ERCC4: variants seen among roughly 807,000 people sequenced by gnomAD.
ERCC4 encodes ERCC excision repair 4, endonuclease catalytic subunit.
In ERCC4, 65 loss-of-function variants were observed where a neutral mutation model predicts 76.9. The observed-to-expected ratio is 0.84, with a 90% confidence interval of 0.69 to 1.04. The LOEUF (loss-of-function observed/expected upper bound fraction) is 1.04. Among genes scored for constraint, ERCC4 ranks in the 50% least tolerant of loss-of-function variants. The pLI, the probability that ERCC4 is intolerant of heterozygous loss-of-function variation, is 0.00. For missense variants in ERCC4, 1,214 were observed against 1,128.2 expected (o/e 1.08, Z -1.09); for synonymous variants, 463 against 410.1 (o/e 1.13, Z -1.56).
At chr16:13,920,433 G>C (rs1440604884) in intron 1 of ERCC4, 61 bp downstream of exon 1, 3 of 1,413,124 alleles carry the variant, frequency 2.1e-6, no homozygotes, top group Non-Finnish European at 2.9e-6. Flanking sequence ...CTCCTGAGCG[G>C]ATGCGAGGCC....
chr16:13,951,551 T>C lies in ERCC4; in HGVS notation c.*3204T>C, dbSNP rs1365349064. 9.4e-6 allele frequency: 2 copies of C among 212,298 alleles called. No homozygotes were observed. The highest frequency in any genetic ancestry group is 1.2e-4 in the Admixed American group (2 of 17,102). 13.2% of individuals were successfully genotyped at this position (212,298 alleles called of 1,614,324 possible). On this transcript the variant is annotated 3_prime_UTR_variant, in exon 11 of 11. Coordinates refer to ENST00000311895, the MANE Select transcript of ERCC4 (RefSeq NM_005236.3). ...ATTCAGCCTGAAGCTCGGTAGACAA[T>C]ATGTCTACATGTGTTTGAGTACATC...
In ERCC4 at chr16:13,949,970, AT is replaced by A. The variant is rs1034520988; in HGVS notation, c.*1632del. ...CAACTTTAACAAAATTGTCATTGTT[AT>A]TTTTTTTTGAGACAGAGTCTCCCTC... On this transcript the variant is annotated 3_prime_UTR_variant, in exon 11 of 11. Coordinates refer to ENST00000311895, the MANE Select transcript of ERCC4 (RefSeq NM_005236.3). 250 of 223,884 alleles carry A rather than the reference AT, an allele frequency of 1.1e-3. No homozygotes were observed. Among genetic ancestry groups the A allele is most frequent in the African/African-American group, 3.2e-3 (144 of 44,698 alleles). The allele number at this position is 223,884 out of a possible 1,614,324, so 13.9% of individuals were successfully genotyped here.
In ERCC4 at chr16:13,951,212, C is replaced by T. The variant is rs2032624016; in HGVS notation, c.*2865C>T. The T allele has an allele frequency of 5.4e-6, 1 of 184,882 alleles. No homozygotes were observed. The highest frequency in any genetic ancestry group is 2.3e-5 in the African/African-American group (1 of 42,656). The allele number at this position is 184,882 out of a possible 1,614,324, so 11.5% of individuals were successfully genotyped here. ...TTGGTAAAGGAACTAGAGATGCATG[C>T]AGTTGCAAAATTAATGTATTTATTT... On this transcript the variant is annotated 3_prime_UTR_variant, in exon 11 of 11. Coordinates refer to ENST00000311895, the MANE Select transcript of ERCC4 (RefSeq NM_005236.3).
At chr16:13,932,004 C>T in intron 5 of ERCC4, 153 bp from the exon 6 acceptor site, 2 of 733,468 alleles carry the variant, frequency 2.7e-6, no homozygotes, top group South Asian at 1.6e-5. Flanking sequence ...ACTGGTCCAG[C>T]TGAACAGCGA....
chr16:13,932,125 A>T (rs747248142), intron 5 of ERCC4, 32 bp from the exon 6 acceptor site: 1 of 1,597,562 alleles, frequency 6.3e-7, no homozygotes, highest in Admixed American at 1.7e-5. Flanking sequence ...CCATAAATTG[A>T]TGGCACTTTT....
intron 9 of ERCC4, among the ~76,000 whole-genome samples, chr16:13,941,957 G>A (rs910070826): frequency 3.3e-5 from 5 of 152,156 alleles, no homozygotes; most frequent in Non-Finnish European, 7.4e-5. Flanking sequence ...AGTGGCTCAC[G>A]CCTGTAATCC....
In ERCC4 at chr16:13,947,754, C is replaced by T; in HGVS notation, c.2158C>T (p.Pro720Ser). 1.2e-6 allele frequency: 2 copies of T among 1,614,236 alleles called. No individual in the cohort carries two copies. Among genetic ancestry groups the T allele is most frequent in the South Asian group, 1.1e-5 (1 of 91,086 alleles). Residue 720 changes from proline to serine, a missense_variant, in exon 11 of 11, where the codon CCA becomes TCA. Physicochemically the swap from Pro to Ser is moderately conservative, Grantham distance 74. Coordinates refer to ENST00000311895, the MANE Select transcript of ERCC4 (RefSeq NM_005236.3). ...TLEVGDYILT[P>S]EMCVERKSIS... Reference sequence around the variant, plus strand: ...AGAGGTTGGAGATTACATCCTCACTCCAGAAATGTGCGTGGAGCGCAAGAG... The same window carrying T: ...AGAGGTTGGAGATTACATCCTCACTTCAGAAATGTGCGTGGAGCGCAAGAG...
chr16:13,935,674 A>G lies in ERCC4; in HGVS notation c.1742A>G (p.Tyr581Cys). 1 of 1,614,186 alleles carries G rather than the reference A, an allele frequency of 6.2e-7. No homozygotes were observed. Among genetic ancestry groups the G allele is most frequent in the Non-Finnish European group, 8.5e-7 (1 of 1,180,030 alleles). The change falls in exon 8 of 11, where the codon TAT becomes TGT. Residue 581 changes from tyrosine to cysteine, a missense_variant. Coordinates refer to ENST00000311895, the MANE Select transcript of ERCC4 (RefSeq NM_005236.3). The part of the protein sequence containing the change: ...HEVEPRYVVL[Y>C]DAELTFVRQL... ...GTGGAGCCAAGATACGTGGTTCTTT[A>G]TGACGCAGAGCTAACCTTTGTTCGG...
rs2032559367 is a variant in ERCC4, at chr16:13,948,157, A to G, written c.2561A>G (p.Lys854Arg). The G allele has an allele frequency of 1.2e-6, 2 of 1,614,160 alleles. No individual in the cohort carries two copies. Among genetic ancestry groups the G allele is most frequent in the African/African-American group, 2.7e-5 (2 of 75,038 alleles). The change falls in exon 11 of 11, where the codon AAA becomes AGA. Residue 854 changes from lysine (K) to arginine (R), a missense_variant. By Grantham distance (26) the Lys-to-Arg change is conservative. Coordinates refer to ENST00000311895, the MANE Select transcript of ERCC4 (RefSeq NM_005236.3). Reference protein sequence around the residue: ...YNPGPQDFLLKMPGVNAKNCR... With the variant: ...YNPGPQDFLLRMPGVNAKNCR... ...CCTGGTCCCCAAGACTTCTTGTTAA[A>G]AATGCCAGGGGTGAATGCCAAAAAC...
rs1469449560 is a variant in ERCC4 at position 13,934,273 on chromosome 16, A to T, written c.1184A>T (p.Asn395Ile). ...TEVLKEIEAE[N>I]KESEALGGPG... is the part of the protein sequence containing the mutation. ...GTATTAAAAGAAATTGAGGCAGAAA[A>T]TAAGGAGAGTGAAGCTCTTGGTGGT... The change falls in exon 7 of 11, where the codon AAT becomes ATT. Residue 395 changes from asparagine (N) to isoleucine (I), a missense_variant. By Grantham distance (149) the Asn-to-Ile change is moderately radical. Transcript: ENST00000311895. 6.2e-7 allele frequency: 1 copy of T among 1,613,386 alleles called. No individual in the cohort carries two copies. Among genetic ancestry groups the T allele is most frequent in the African/African-American group, 1.3e-5 (1 of 75,048 alleles).
intron 9 of ERCC4, chr16:13,943,994 G>C (rs929955632): frequency 7.9e-5 from 12 of 152,348 alleles, no homozygotes; most frequent in African/African-American, 2.9e-4. Context: ...TAAGATATGA[G>C]CCACCTTGAA....
chr16:13,926,838 T>C (rs1306536903), intron 3 of ERCC4, 82 bp downstream of exon 3: 2 of 1,083,866 alleles, frequency 1.8e-6, no homozygotes, highest in Non-Finnish European at 2.8e-6. Flanking sequence ...AGTTGCACTT[T>C]GATGTAATAT....
At chr16:13,926,931 C>A in intron 3 of ERCC4, 175 bp downstream of exon 3, 1 of 609,044 alleles carries the variant, frequency 1.6e-6, no homozygotes, top group East Asian at 2.8e-5. Flanking sequence ...ATGTATTCAC[C>A]AAGTTTGTGG....
At chr16:13,929,191 C>G (rs2032126138) in intron 4 of ERCC4, among the ~76,000 whole-genome samples, 1 of 151,964 alleles carries the variant, frequency 6.6e-6, no homozygotes, top group South Asian at 2.1e-4. Context: ...TTGATTATCC[C>G]CCGGTTAGTA....
intron 6 of ERCC4, 164 bp downstream of exon 6, chr16:13,932,449 A>G: frequency 1.5e-6 from 1 of 669,234 alleles, no homozygotes. Flanking sequence ...TGTTGAAAGT[A>G]TATATGTAAA....
rs2032639348 is a variant in ERCC4 at position 13,952,181 on chromosome 16, ATATT to A, written c.*3839_*3842del. 1 of 187,140 alleles carries A rather than the reference ATATT, an allele frequency of 5.3e-6. No individual in the cohort carries two copies. Among genetic ancestry groups the A allele is most frequent in the South Asian group, 1.9e-4 (1 of 5,132 alleles). The allele number at this position is 187,140 out of a possible 1,614,324, so 11.6% of individuals were successfully genotyped here. On this transcript the variant is annotated 3_prime_UTR_variant, in exon 11 of 11. Transcript: ENST00000311895. ...TATTTGTGTGTGTTTAATAAAATAT[ATATT>A]TATTCAGTACTTTCCTCAGTATTTT...
rs3136156 is a variant in ERCC4 at position 13,936,639 on chromosome 16, C to T, written c.1811+896C>T. Among the ~76,000 whole-genome samples, 22 of 152,332 alleles carry T rather than the reference C, an allele frequency of 1.4e-4. 1 individual carries two copies. The East Asian group carries it at 1.7e-3, about 12-fold the overall frequency. On this transcript the variant is annotated intron_variant, in intron 8 of 10. Coordinates refer to ENST00000311895, the MANE Select transcript of ERCC4 (RefSeq NM_005236.3). ...GGAGTTCAACCACTTACTCTATCAA[C>T]GGGAAACTGAGGCCCAGAAATGGTG... is the stretch of plus-strand genomic sequence containing the variant.
intron 6 of ERCC4, chr16:13,932,678 G>A (rs3136125): frequency 3.7e-5 from 9 of 242,874 alleles, no homozygotes; most frequent in African/African-American, 9.2e-5. Flanking sequence ...TTGGGAGGCC[G>A]AGGCAGGAGG....
intron 6 of ERCC4, chr16:13,933,067 A>G: frequency 5.4e-6 from 2 of 370,884 alleles, no homozygotes; most frequent in Non-Finnish European, 1.1e-5. Flanking sequence ...AAAAAAAAAA[A>G]CACAAAAACT....
Sources: allele counts gnomAD v4.1 joint callset (sites outside exome capture counted in the v4.1 genomes callset), GRCh38; gene constraint gnomAD v4.1.1; transcripts MANE v1.5; gene names NCBI Gene and HGNC (gene_info 2026-07-23, HGNC 2026-07-21).